MPC2: variants seen among roughly 807,000 people sequenced by gnomAD.
MPC2 encodes the protein brain protein 44.
In MPC2, 19 loss-of-function variants were observed where a neutral mutation model predicts 19.2. The ratio of observed to expected loss-of-function variants is 0.99; its 90% CI spans 0.69 to 1.45. The LOEUF (loss-of-function observed/expected upper bound fraction) is 1.45. Among genes scored for constraint, MPC2 ranks in the 40% most tolerant of loss-of-function variants. The pLI is 0.00. For synonymous variants in MPC2, 61 were observed against 54.3 expected, an observed-to-expected ratio of 1.12 and a Z score of -0.54; for missense variants, 122 against 153.0, an observed-to-expected ratio of 0.80 and a Z score of 1.07.
chr1:167,919,927 G>A (rs1243243107), intron 5 of MPC2, 52 bp downstream of exon 5: 9 of 1,316,006 alleles, frequency 6.8e-6, no homozygotes, highest in East Asian at 4.8e-5. Context: ...AAAAATTAGT[G>A]CCATCTAAGT....
At chr1:167,930,304 T>C (rs1378054127) in intron 2 of MPC2, among the ~76,000 whole-genome samples, 3 of 152,176 alleles carry the variant, frequency 2.0e-5, no homozygotes, top group Admixed American at 1.3e-4. Context: ...GTAGGGATGA[T>C]ACGTTTTAAA....
intron 2 of MPC2, among the ~76,000 whole-genome samples, chr1:167,930,804 T>C (rs898303111): frequency 6.6e-6 from 1 of 152,252 alleles, no homozygotes; most frequent in Admixed American, 6.5e-5. Flanking sequence ...TATTTTTACA[T>C]GACCTGGAAA....
intron 3 of MPC2, 112 bp downstream of exon 3, chr1:167,924,385 A>G: frequency 5.0e-6 from 4 of 792,540 alleles, no homozygotes; most frequent in Non-Finnish European, 8.0e-6. Flanking sequence ...AATCATCTAG[A>G]GGCATACCAA....
rs1010738721 is a variant in MPC2 at position 167,936,222 on chromosome 1, G to A, written c.-57-324C>T. ...CCCGCCCCGAGGCGCGGGCGGGGTC[G>A]AGCGGAAACCTCCTCCTTCTCCCCA... On this transcript the variant is annotated intron_variant, in intron 1 of 5. Coordinates refer to ENST00000271373, the MANE Select transcript of MPC2 (RefSeq NM_001143674.4). 2.9e-5 allele frequency: 7 copies of A among 244,970 alleles called. No homozygotes were observed. In the East Asian group the frequency reaches 8.3e-4, roughly 29 times the overall value. 15.2% of individuals were successfully genotyped at this position (244,970 alleles called of 1,614,324 possible). A position where few individuals can be genotyped will look rare whatever the true frequency, so the allele number is the denominator to read the frequency against.
At chr1:167,923,501 C>G (rs1670653634) in intron 3 of MPC2, among the ~76,000 whole-genome samples, 1 of 151,980 alleles carries the variant, frequency 6.6e-6, no homozygotes, top group Admixed American at 6.6e-5. Context: ...TAGTGAAATT[C>G]ATAGAGACAG....
At chr1:167,919,951 G>C (rs1199026758) in intron 5 of MPC2, 28 bp downstream of exon 5, 3 of 1,546,380 alleles carry the variant, frequency 1.9e-6, no homozygotes, top group Admixed American at 1.9e-5. Context: ...TTTTGCAACA[G>C]TTTTAAAAAT....
At position 167,936,542 on chromosome 1, in the gene MPC2, T is replaced by A. The variant is rs1486689654; in HGVS notation, c.-58+397A>T. On this transcript the variant is annotated intron_variant, in intron 1 of 5. Transcript: ENST00000271373. ...CAGCCGCAGCACACACCAGCCTCAGTCCCCAGGGTGGTCGTCATCTCGCGA... is the reference window on the plus strand; with the variant it reads ...CAGCCGCAGCACACACCAGCCTCAGACCCCAGGGTGGTCGTCATCTCGCGA... The A allele has an allele frequency of 4.1e-5, 11 of 265,828 alleles. No homozygotes were observed. The South Asian group carries it at 4.2e-4, about 10-fold the overall frequency. The allele number at this position is 265,828 out of a possible 1,614,324, so 16.5% of individuals were successfully genotyped here. A position where few individuals can be genotyped will look rare whatever the true frequency, so the allele number is the denominator to read the frequency against.
At position 167,936,883 on chromosome 1, in the gene MPC2, C is replaced by G. The variant is rs769488065; in HGVS notation, c.-58+56G>C. ...CTCCTCCCCTCCCCCACGCGGTGGT[C>G]TCCCCTCCCACCCGGCTCAGGCAGA... On this transcript the variant is annotated intron_variant, in intron 1 of 5. Transcript: ENST00000271373. The G allele has an allele frequency of 3.9e-6, 5 of 1,267,610 alleles. No homozygotes were observed. The African/African-American group carries it at 7.3e-5, about 18-fold the overall frequency. 78.5% of individuals were successfully genotyped at this position (1,267,610 alleles called of 1,614,324 possible). A position where few individuals can be genotyped will look rare whatever the true frequency, so the allele number is the denominator to read the frequency against.
At chr1:167,921,531 A>C (rs1449686526) in intron 3 of MPC2, among the ~76,000 whole-genome samples, 2 of 152,056 alleles carry the variant, frequency 1.3e-5, no homozygotes, top group Non-Finnish European at 2.9e-5. Flanking sequence ...CTTGGCTGTT[A>C]CGCCATTTTT....
chr1:167,936,060 C>T (rs1387715552), intron 1 of MPC2, 162 bp from the exon 2 acceptor site: 2 of 583,664 alleles, frequency 3.4e-6, no homozygotes, highest in Non-Finnish European at 6.2e-6. Flanking sequence ...GACTGCCAGC[C>T]CCCGGTCCGC....
chr1:167,935,877 G>A lies in MPC2; in HGVS notation c.-36C>T, dbSNP rs1671144269. The A allele has an allele frequency of 2.7e-6, 4 of 1,481,080 alleles. No homozygotes were observed. The highest frequency in any genetic ancestry group is 3.7e-6 in the Non-Finnish European group (4 of 1,084,980). 91.7% of individuals were successfully genotyped at this position (1,481,080 alleles called of 1,614,324 possible). On this transcript the variant is annotated 5_prime_UTR_variant, in exon 2 of 6. The change creates a new upstream start codon in the 5' untranslated region. Transcript: ENST00000271373. ...GGATCGTTGGCAGCCGGGTGGGAGC[G>A]TGGCTGTGTTCTCGTCCCTGGCTGA...
rs552312595 is a variant in MPC2 at position 167,920,936 on chromosome 1, T to C, written c.151-305A>G. On this transcript the variant is annotated intron_variant, in intron 3 of 5. Coordinates refer to ENST00000271373, the MANE Select transcript of MPC2 (RefSeq NM_001143674.4). ...CGTACATATATATTTTGGGTTTTTT[T>C]TGGTCTACCTATTTCACATATGAAT... Among the ~76,000 whole-genome samples, 80 of 152,314 alleles carry C rather than the reference T, an allele frequency of 5.3e-4. No homozygotes were observed. In the Middle Eastern group the frequency reaches 0.02, roughly 39 times the overall value.
chr1:167,928,833 C>T lies in MPC2; in HGVS notation c.110-4296G>A, dbSNP rs1020133062. On this transcript the variant is annotated intron_variant, in intron 2 of 5. Coordinates refer to ENST00000271373, the MANE Select transcript of MPC2 (RefSeq NM_001143674.4). The stretch of plus-strand genomic sequence containing the variant: ...ACATCCATTATGATAAATGAAATAA[C>T]TTGATTAGGTGGAAAATTTGAACTG... Among the ~76,000 whole-genome samples, 3 of 152,272 alleles carry T rather than the reference C, an allele frequency of 2.0e-5. No individual in the cohort carries two copies. In the East Asian group the frequency reaches 5.8e-4, roughly 29 times the overall value.
chr1:167,937,061 AG>A lies in MPC2; in HGVS notation c.-181del, dbSNP rs1671364484. ...CTGAGGTCGCCGCCTAGAGTGGGGGAGGGGGCACGCTGCCGGGTCTGTTGGA... is the reference window on the plus strand; with the variant it reads ...CTGAGGTCGCCGCCTAGAGTGGGGGAGGGGCACGCTGCCGGGTCTGTTGGA... On this transcript the variant is annotated 5_prime_UTR_variant, in exon 1 of 6. Transcript: ENST00000271373. 4 of 1,459,556 alleles carry A rather than the reference AG, an allele frequency of 2.7e-6. No individual in the cohort carries two copies. Among genetic ancestry groups the A allele is most frequent in the Admixed American group, 1.9e-5 (1 of 51,960 alleles). The allele number at this position is 1,459,556 out of a possible 1,614,324, so 90.4% of individuals were successfully genotyped here.
chr1:167,918,116 T>A lies in MPC2; in HGVS notation c.*207A>T. 1 of 444,064 alleles carries A rather than the reference T, an allele frequency of 2.3e-6. No homozygotes were observed. The highest frequency in any genetic ancestry group is 4.0e-6 in the Non-Finnish European group (1 of 250,572). 27.5% of individuals were successfully genotyped at this position (444,064 alleles called of 1,614,324 possible). On this transcript the variant is annotated 3_prime_UTR_variant, in exon 6 of 6. Transcript: ENST00000271373. Reference sequence around the variant, plus strand: ...TTACGGACAAATGGTAGAAAAATGTTACTAATATCCATAGATAAGTTCCTT... The same window carrying A: ...TTACGGACAAATGGTAGAAAAATGTAACTAATATCCATAGATAAGTTCCTT...
chr1:167,918,385 A>C, intron 5 of MPC2, 26 bp from the exon 6 acceptor site: 1 of 1,380,776 alleles, frequency 7.2e-7, no homozygotes, highest in Non-Finnish European at 1.0e-6. Flanking sequence ...AAAGAAAAAT[A>C]ATCATCAATA....
intron 1 of MPC2, chr1:167,936,637 C>T (rs1571533225): frequency 2.6e-6 from 1 of 386,686 alleles, no homozygotes; most frequent in South Asian, 3.2e-5. Flanking sequence ...GCCTCCGCCT[C>T]CTCCTGTTGG....
intron 2 of MPC2, among the ~76,000 whole-genome samples, chr1:167,928,313 A>G (rs1454281277): frequency 3.4e-5 from 5 of 147,404 alleles, no homozygotes; most frequent in South Asian, 4.2e-4. Context: ...GCACCACTGC[A>G]CTCCAGAAAA....
intron 2 of MPC2, among the ~76,000 whole-genome samples, chr1:167,932,824 AAAAGAAAAG>A (rs1670948223): frequency 6.6e-6 from 1 of 150,758 alleles, no homozygotes; most frequent in African/African-American, 2.5e-5. Context: ...AAAAAAAAAA[AAAAGAAAAG>A]AAAAGAAAAG....
Sources: allele counts gnomAD v4.1 joint callset (sites outside exome capture counted in the v4.1 genomes callset), GRCh38; gene constraint gnomAD v4.1.1; transcripts MANE v1.5; gene names NCBI Gene and HGNC (gene_info 2026-07-23, HGNC 2026-07-21).